The following CNTNAP5 variants were observed in gnomAD, a reference collection of about 807,000 sequenced individuals.
CNTNAP5 encodes contactin-associated protein-like 5.
A neutral mutation model predicts 150.2 loss-of-function variants in CNTNAP5; 72 were observed. That is an observed-to-expected ratio of 0.48 (90% CI 0.40 to 0.58). The LOEUF (loss-of-function observed/expected upper bound fraction) is 0.58, where lower values mean the gene tolerates loss of function less well. Ranked by LOEUF, CNTNAP5 falls within the 20% of genes least tolerant of loss-of-function variation. The pLI is 0.00. For missense variants in CNTNAP5, 1,636 were observed against 1,626.2 expected (o/e 1.01, Z -0.10); for synonymous variants, 672 against 619.8 (o/e 1.08, Z -1.25).
intron 11 of CNTNAP5, among the ~76,000 whole-genome samples, chr2:124,587,553 G>C (rs570274572): frequency 1.2e-4 from 19 of 152,092 alleles, no homozygotes; most frequent in Non-Finnish European, 2.4e-4. Flanking sequence ...TTTTTTAAAA[G>C]ATCTCTTATT....
At chr2:124,251,613 T>G (rs1436509108) in intron 3 of CNTNAP5, among the ~76,000 whole-genome samples, 3 of 151,922 alleles carry the variant, frequency 2.0e-5, no homozygotes, top group Admixed American at 6.6e-5. Context: ...AGGTACTAAA[T>G]TAAGGAGGAT....
intron 11 of CNTNAP5, among the ~76,000 whole-genome samples, chr2:124,609,312 G>T (rs1677324447): frequency 6.6e-6 from 1 of 152,150 alleles, no homozygotes; most frequent in African/African-American, 2.4e-5. Flanking sequence ...AATAAGGCTG[G>T]GCCTGGCGGA....
At position 124,119,421 on chromosome 2, in the gene CNTNAP5, A is replaced by G. The variant is rs919393276; in HGVS notation, c.82+93689A>G. On this transcript the variant is annotated intron_variant, in intron 1 of 23. Coordinates refer to ENST00000682447, the MANE Select transcript of CNTNAP5 (RefSeq NM_001367498.1). ...ATCCTTAGAGCAATTCATGGTAATT[A>G]CTAGGCACTTAGTATGTACTGGATA... is the stretch of plus-strand genomic sequence containing the variant. 6.0e-5 allele frequency among the ~76,000 whole-genome samples: 9 copies of G among 150,122 alleles called. No homozygotes were observed. In the Admixed American group the frequency reaches 6.0e-4, roughly 10 times the overall value.
chr2:124,120,400 A>G (rs1238257351), intron 1 of CNTNAP5, among the ~76,000 whole-genome samples: 1 of 152,226 alleles, frequency 6.6e-6, no homozygotes, highest in Non-Finnish European at 1.5e-5. Flanking sequence ...TAGCAAGTAA[A>G]AGGAAGAAAA....
intron 21 of CNTNAP5, among the ~76,000 whole-genome samples, chr2:124,879,652 TTTG>T (rs1430926912): frequency 6.6e-6 from 1 of 152,126 alleles, no homozygotes; most frequent in Admixed American, 6.6e-5. Context: ...ATTTATTTGT[TTTG>T]AAGATATGAG....
intron 13 of CNTNAP5, among the ~76,000 whole-genome samples, chr2:124,726,226 G>A (rs529889998): frequency 1.3e-5 from 2 of 151,986 alleles, no homozygotes; most frequent in Non-Finnish European, 1.5e-5. Flanking sequence ...TTAGTGATAT[G>A]GTTTGGCTCT....
At chr2:124,415,849 A>G (rs1390465441) in intron 3 of CNTNAP5, among the ~76,000 whole-genome samples, 1 of 152,146 alleles carries the variant, frequency 6.6e-6, no homozygotes, top group African/African-American at 2.4e-5. Flanking sequence ...TTTGCTACGT[A>G]TATTTACTCC....
intron 8 of CNTNAP5, among the ~76,000 whole-genome samples, chr2:124,511,341 C>T (rs1694584218): frequency 6.6e-6 from 1 of 152,116 alleles, no homozygotes; most frequent in African/African-American, 2.4e-5. Flanking sequence ...TGGGAAAATA[C>T]AAGGCAAGGA....
intron 19 of CNTNAP5, among the ~76,000 whole-genome samples, chr2:124,832,171 T>G (rs1682729543): frequency 6.6e-6 from 1 of 152,104 alleles, no homozygotes; most frequent in Non-Finnish European, 1.5e-5. Flanking sequence ...CAAAAATGTA[T>G]GCTGATGATT....
chr2:124,696,940 A>C (rs2105085332), intron 13 of CNTNAP5, among the ~76,000 whole-genome samples: 1 of 152,260 alleles, frequency 6.6e-6, no homozygotes, highest in South Asian at 2.1e-4. Context: ...GGAATTTTAT[A>C]ACTTTGTGGG....
At chr2:124,111,059 T>C (rs965381036) in intron 1 of CNTNAP5, among the ~76,000 whole-genome samples, 1 of 152,196 alleles carries the variant, frequency 6.6e-6, no homozygotes, top group African/African-American at 2.4e-5. Context: ...TGGTATTGTA[T>C]GAATAATTTA....
intron 1 of CNTNAP5, among the ~76,000 whole-genome samples, chr2:124,155,076 T>A (rs990489122): frequency 1.9e-4 from 1 of 5,282 alleles, no homozygotes; most frequent in East Asian, 0.029. Context: ...ACCATTCCCG[T>A]TTTTTTTTTT....
At chr2:124,701,778 C>A (rs1573557033) in intron 13 of CNTNAP5, among the ~76,000 whole-genome samples, 1 of 152,022 alleles carries the variant, frequency 6.6e-6, no homozygotes, top group Non-Finnish European at 1.5e-5. Context: ...ATGCTGAGCA[C>A]CTTTACATAT....
intron 11 of CNTNAP5, among the ~76,000 whole-genome samples, chr2:124,599,259 T>C (rs1209370626): frequency 6.6e-6 from 1 of 152,224 alleles, no homozygotes; most frequent in African/African-American, 2.4e-5. Context: ...TTCCATATAG[T>C]TTCCCAATTA....
intron 3 of CNTNAP5, among the ~76,000 whole-genome samples, chr2:124,342,866 A>T (rs1689652292): frequency 6.6e-6 from 1 of 151,948 alleles, no homozygotes; most frequent in South Asian, 2.1e-4. Flanking sequence ...TCATGAGTTC[A>T]GTCCCAAATA....
chr2:124,335,317 G>A (rs547817493), intron 3 of CNTNAP5, among the ~76,000 whole-genome samples: 27 of 151,986 alleles, frequency 1.8e-4, no homozygotes, highest in Non-Finnish European at 3.4e-4. Context: ...CAGACAAAGA[G>A]AGTGCTGCTG....
intron 3 of CNTNAP5, among the ~76,000 whole-genome samples, chr2:124,390,164 ACCCTC>A (rs1691073739): frequency 6.6e-6 from 1 of 152,062 alleles, no homozygotes; most frequent in Non-Finnish European, 1.5e-5. Flanking sequence ...AAAGGGCTAG[ACCCTC>A]TCCCTGGCTC....
intron 1 of CNTNAP5, among the ~76,000 whole-genome samples, chr2:124,201,469 G>A (rs1252479877): frequency 6.6e-6 from 1 of 152,170 alleles, no homozygotes; most frequent in East Asian, 1.9e-4. Context: ...CTAAGAAAGG[G>A]TAATTCTGTC....
At chr2:124,666,892 G>C (rs569238974) in intron 13 of CNTNAP5, among the ~76,000 whole-genome samples, 100 of 151,668 alleles carry the variant, frequency 6.6e-4, no homozygotes, top group African/African-American at 2.4e-3. Context: ...TGAAATTGCT[G>C]TTTGGATTCC....
Sources: allele counts gnomAD v4.1 joint callset (sites outside exome capture counted in the v4.1 genomes callset), GRCh38; gene constraint gnomAD v4.1.1; transcripts MANE v1.5; gene names NCBI Gene and HGNC (gene_info 2026-07-23, HGNC 2026-07-21).